The following GFRA3 variants were observed in gnomAD, a reference collection of about 807,000 sequenced individuals.
The protein encoded by GFRA3 is GDNF family receptor alpha-3.
In GFRA3, 24 loss-of-function variants were observed where a neutral mutation model predicts 40.0. That is an observed-to-expected ratio of 0.60 (90% CI 0.43 to 0.84). The LOEUF is 0.84. Ranked by LOEUF, GFRA3 falls within the 40% of genes least tolerant of loss-of-function variation. The pLI is 0.00. For synonymous variants in GFRA3, 203 were observed against 213.5 expected (o/e 0.95, Z 0.43); for missense variants, 405 against 530.6 (o/e 0.76, Z 2.33).
intron 4 of GFRA3, 55 bp downstream of exon 4, chr5:138,257,584 G>A (rs1391877083): frequency 8.1e-6 from 12 of 1,483,066 alleles, no homozygotes; most frequent in Non-Finnish European, 1.1e-5. Context: ...AACGTGGCCA[G>A]GAAGGAGTGG....
intron 2 of GFRA3, among the ~76,000 whole-genome samples, chr5:138,261,437 T>C (rs1169170280): frequency 6.6e-6 from 1 of 152,172 alleles, no homozygotes; most frequent in East Asian, 1.9e-4. Flanking sequence ...GGCTCATGCC[T>C]GTAATCCCGG....
At chr5:138,268,671 A>G (rs986832247) in intron 1 of GFRA3, among the ~76,000 whole-genome samples, 1 of 152,182 alleles carries the variant, frequency 6.6e-6, no homozygotes, top group Non-Finnish European at 1.5e-5. Flanking sequence ...TGGGCAGATC[A>G]CAAGGTCAGG....
intron 2 of GFRA3, among the ~76,000 whole-genome samples, chr5:138,263,886 G>A (rs1359541653): frequency 6.6e-6 from 1 of 152,142 alleles, no homozygotes; most frequent in African/African-American, 2.4e-5. Context: ...GCTGGACCAA[G>A]ATGTTACCTC....
rs201511782 is a variant in GFRA3, at chr5:138,264,468, T to G, written c.172A>C (p.Ser58Arg). 3.3e-5 allele frequency: 53 copies of G among 1,613,538 alleles called. No individual in the cohort carries two copies. In the East Asian group the frequency reaches 1.1e-3, roughly 33 times the overall value. ...RRKCQADPTCSAAYHHLDSCT... is the reference protein window; with the variant it reads ...RRKCQADPTCRAAYHHLDSCT... ...GAATCCAGGTGGTGGTAGGCAGCAC[T>G]GCAGGTGGGATCAGCCTGGCACTTC... Residue 58 changes from serine (S) to arginine (R), a missense_variant, in exon 2 of 8, where the codon AGT (serine) becomes CGT (arginine). Transcript: ENST00000274721.
intron 3 of GFRA3, among the ~76,000 whole-genome samples, chr5:138,258,595 C>A (rs1053816795): frequency 2.0e-5 from 3 of 152,176 alleles, no homozygotes; most frequent in Non-Finnish European, 4.4e-5. Flanking sequence ...AATAACCATA[C>A]CTCTTTCCTC....
intron 2 of GFRA3, among the ~76,000 whole-genome samples, chr5:138,262,041 T>C (rs903688362): frequency 6.6e-6 from 1 of 152,112 alleles, no homozygotes; most frequent in Non-Finnish European, 1.5e-5. Context: ...CACAGGCACA[T>C]GAGATGATAG....
At chr5:138,264,693 GGA>G (rs1326603310) in intron 1 of GFRA3, 145 bp from the exon 2 acceptor site, 26 of 605,372 alleles carry the variant, frequency 4.3e-5, no homozygotes, top group South Asian at 1.7e-4. Context: ...GAATAAGTGT[GGA>G]GAGAGAGAGA....
At chr5:138,259,969 G>A (rs542903202) in intron 2 of GFRA3, among the ~76,000 whole-genome samples, 4 of 152,268 alleles carry the variant, frequency 2.6e-5, no homozygotes, top group African/African-American at 9.6e-5. Context: ...ACACAGTGTA[G>A]GGAGGCAAGA....
intron 2 of GFRA3, among the ~76,000 whole-genome samples, chr5:138,264,034 T>C (rs757233698): frequency 1.3e-5 from 2 of 152,120 alleles, no homozygotes; most frequent in African/African-American, 2.4e-5. Flanking sequence ...AAGTGGGAAC[T>C]GACATGTTGC....
At chr5:138,259,255 A>G (rs577933936) in intron 3 of GFRA3, among the ~76,000 whole-genome samples, 1 of 152,222 alleles carries the variant, frequency 6.6e-6, no homozygotes, top group South Asian at 2.1e-4. Flanking sequence ...TTTCAGCACA[A>G]TTTTTCCTGG....
intron 2 of GFRA3, among the ~76,000 whole-genome samples, chr5:138,263,072 C>T (rs1323130448): frequency 6.6e-6 from 1 of 152,172 alleles, no homozygotes; most frequent in African/African-American, 2.4e-5. Flanking sequence ...TCAAGTGATT[C>T]TCCTGCCTCA....
chr5:138,253,338 T>C lies in GFRA3; in HGVS notation c.1062A>G (p.Gln354=), dbSNP rs1755576506. ...AIAAKMRFHS[Q]LFSQDWPHPT... is the part of the protein sequence containing the mutation. ...GGTGTGGCCAGTCCTGGGAGAAGAGTTGGCTGTGAAAACGCATCTTAGCTG... is the reference window on the plus strand; with the variant it reads ...GGTGTGGCCAGTCCTGGGAGAAGAGCTGGCTGTGAAAACGCATCTTAGCTG... Residue 354 remains glutamine (Q), a synonymous_variant, in exon 7 of 8, where the codon CAA becomes CAG. Coordinates refer to ENST00000274721, the MANE Select transcript of GFRA3 (RefSeq NM_001496.4). 1.0e-5 allele frequency: 16 copies of C among 1,604,862 alleles called. No homozygotes were observed. Among genetic ancestry groups the C allele is most frequent in the Non-Finnish European group, 1.4e-5 (16 of 1,175,750 alleles).
chr5:138,265,737 C>T (rs1755774053), intron 1 of GFRA3, among the ~76,000 whole-genome samples: 1 of 152,134 alleles, frequency 6.6e-6, no homozygotes, highest in South Asian at 2.1e-4. Context: ...CTCTATCTCC[C>T]AGGCTGGAGT....
Position 138,255,089 on chromosome 5 carries a change from AAGAG to A in GFRA3, c.786-933_786-930del, listed in dbSNP as rs567852167. On this transcript the variant is annotated intron_variant, in intron 4 of 7. Coordinates refer to ENST00000274721, the MANE Select transcript of GFRA3 (RefSeq NM_001496.4). The stretch of plus-strand genomic sequence containing the variant: ...AAAGAAGTAAGGAGAGAAGAAGAGA[AAGAG>A]AGAGGAAGGAAAGAAGGAAGGAAGG... 3.1e-3 allele frequency among the ~76,000 whole-genome samples: 470 copies of A among 151,078 alleles called. 6 individuals are homozygous for A. Among genetic ancestry groups the A allele is most frequent in the Middle Eastern group, 0.014 (4 of 294 alleles).
chr5:138,270,135 T>C (rs546756969), intron 1 of GFRA3, among the ~76,000 whole-genome samples: 1 of 147,206 alleles, frequency 6.8e-6, no homozygotes, highest in Non-Finnish European at 1.5e-5. Context: ...GCTGAGACAG[T>C]CGGATCACAA....
intron 1 of GFRA3, among the ~76,000 whole-genome samples, chr5:138,270,205 CAAAAAAAA>C (rs34014240): frequency 2.8e-4 from 20 of 72,448 alleles, no homozygotes; most frequent in East Asian, 4.3e-4. Flanking sequence ...ACTAAAAATA[CAAAAAAAA>C]AAAAAAAAAA....
At chr5:138,269,397 G>T (rs1360777776) in intron 1 of GFRA3, among the ~76,000 whole-genome samples, 1 of 151,898 alleles carries the variant, frequency 6.6e-6, no homozygotes, top group African/African-American at 2.4e-5. Flanking sequence ...TTAGCCAGGT[G>T]TGGAGGCGGG....
intron 1 of GFRA3, among the ~76,000 whole-genome samples, chr5:138,265,819 CTG>C (rs1466241611): frequency 6.6e-6 from 1 of 152,202 alleles, no homozygotes; most frequent in East Asian, 1.9e-4. Flanking sequence ...CCTCAGCCTC[CTG>C]AGTAGTTGGG....
chr5:138,270,402 G>C (rs1157622056), intron 1 of GFRA3, among the ~76,000 whole-genome samples: 2 of 151,100 alleles, frequency 1.3e-5, no homozygotes, highest in Non-Finnish European at 2.9e-5. Flanking sequence ...TGAATTAACA[G>C]CATTTGCAGC....
Sources: allele counts gnomAD v4.1 joint callset (sites outside exome capture counted in the v4.1 genomes callset), GRCh38; gene constraint gnomAD v4.1.1; transcripts MANE v1.5; gene names NCBI Gene and HGNC (gene_info 2026-07-23, HGNC 2026-07-21).